PTPRS: variants seen among roughly 807,000 people sequenced by gnomAD.
PTPRS encodes receptor-type tyrosine-protein phosphatase S.
In PTPRS, 63 loss-of-function variants were observed where a neutral mutation model predicts 215.3. The observed-to-expected ratio is 0.29, with a 90% CI of 0.24 to 0.36. PTPRS has a LOEUF of 0.36. Ranked by LOEUF, PTPRS falls within the 10% of genes least tolerant of loss-of-function variation. The probability of loss-of-function intolerance (pLI) is 1.00; values close to 1 mark genes in which losing one functional copy is unlikely to be tolerated. For synonymous variants in PTPRS, 1,404 were observed against 1,191.4 expected, an observed-to-expected ratio of 1.18 and a Z score of -3.68; for missense variants, 2,258 against 2,825.8, an observed-to-expected ratio of 0.80 and a Z score of 4.56.
intron 1 of PTPRS, among the ~76,000 whole-genome samples, chr19:5,334,252 G>A (rs541624101): frequency 3.3e-5 from 5 of 152,372 alleles, no homozygotes; most frequent in East Asian, 3.9e-4. Flanking sequence ...TGAGGGCGGG[G>A]TAGCGGGGCG....
intron 35 of PTPRS, among the ~76,000 whole-genome samples, chr19:5,209,093 C>T (rs554020794): frequency 3.0e-4 from 45 of 152,202 alleles, no homozygotes; most frequent in African/African-American, 1.1e-3. Flanking sequence ...TACCTTCTGC[C>T]GTCCCGAGTT....
Position 5,339,407 on chromosome 19 carries a change from G to A in PTPRS, c.-95+1257C>T, listed in dbSNP as rs777871526. On this transcript the variant is annotated intron_variant, in intron 1 of 37. Transcript: ENST00000262963. The surrounding 1 kb of genome is among the most constrained non-coding windows in gnomAD (Gnocchi z 4.2). ...GGGGAAAGAGGGTCAACCGAAGAAG[G>A]AGGTCCCAGATTTGGGGCGGGGGGT... Among the ~76,000 whole-genome samples the A allele has an allele frequency of 1.3e-5, 2 of 151,992 alleles. No homozygotes were observed. Among genetic ancestry groups the A allele is most frequent in the Non-Finnish European group, 2.9e-5 (2 of 67,980 alleles).
rs545956361 is a variant in PTPRS, at chr19:5,316,925, C to T, written c.-95+23739G>A. 2.2e-4 allele frequency among the ~76,000 whole-genome samples: 33 copies of T among 152,306 alleles called. No homozygotes were observed. The East Asian group carries it at 6.0e-3, about 28-fold the overall frequency. ...GGCACCGGGGACCTGGCTTCTCCCA[C>T]GGGCGGCTGCCCCACTGCCCCGGGA... On this transcript the variant is annotated intron_variant, in intron 1 of 37. Transcript: ENST00000262963.
chr19:5,216,679 G>A (rs1418486139), intron 26 of PTPRS, 41 bp downstream of exon 26: 2 of 1,455,630 alleles, frequency 1.4e-6, no homozygotes, highest in Admixed American at 2.0e-5. Flanking sequence ...ATGAACGGGG[G>A]CGGGGGCGAA....
At position 5,279,771 on chromosome 19, in the gene PTPRS, C is replaced by A. The variant is rs563633041; in HGVS notation, c.92-5427G>T. Among the ~76,000 whole-genome samples the A allele has an allele frequency of 1.6e-4, 24 of 152,258 alleles. 3 individuals are homozygous for A. Among genetic ancestry groups the A allele is most frequent in the Admixed American group, 6.5e-4 (10 of 15,282 alleles). ...GATCTCGGCTCACTGCAAGCTTCACCTCCCGGATTCACGCCATTCTCCTGC... is the reference window on the plus strand; with the variant it reads ...GATCTCGGCTCACTGCAAGCTTCACATCCCGGATTCACGCCATTCTCCTGC... On this transcript the variant is annotated intron_variant, in intron 2 of 37. Transcript: ENST00000262963.
At chr19:5,306,017 G>A (rs2147121921) in intron 1 of PTPRS, among the ~76,000 whole-genome samples, 1 of 146,392 alleles carries the variant, frequency 6.8e-6, no homozygotes, top group East Asian at 2.0e-4. Context: ...CAGCACAATA[G>A]GTACAAATAC....
At chr19:5,313,503 TTCCTCCTGTGAC>T (rs1600102653) in intron 1 of PTPRS, among the ~76,000 whole-genome samples, 2 of 152,110 alleles carry the variant, frequency 1.3e-5, no homozygotes, top group Non-Finnish European at 2.9e-5. Context: ...CCAGTCTCAT[TTCCTCCTGTGAC>T]AGAGATGGGC....
In PTPRS at chr19:5,220,848, T is replaced by C. The variant is rs57997295; in HGVS notation, c.3455+152A>G. On this transcript the variant is annotated intron_variant, in intron 20 of 37. Transcript: ENST00000262963. ...TAGTGACAATGACCCATGAGAAGCA[T>C]TGAATCTTGGATGACCCCATGAACT... 181 of 917,476 alleles carry C rather than the reference T, an allele frequency of 2.0e-4. No homozygotes were observed. In the African/African-American group the frequency reaches 2.7e-3, roughly 14 times the overall value. The allele number at this position is 917,476 out of a possible 1,614,324, so 56.8% of individuals were successfully genotyped here. A position where few individuals can be genotyped will look rare whatever the true frequency, so the allele number is the denominator to read the frequency against.
chr19:5,267,438 C>T (rs905143159), intron 4 of PTPRS, among the ~76,000 whole-genome samples: 6 of 152,008 alleles, frequency 3.9e-5, no homozygotes, highest in Non-Finnish European at 5.9e-5. Context: ...AGGTGGATCA[C>T]CTGAGGTCAG....
At chr19:5,225,013 A>AC (rs2042351459) in intron 17 of PTPRS, among the ~76,000 whole-genome samples, 2 of 144,948 alleles carry the variant, frequency 1.4e-5, no homozygotes, top group Admixed American at 6.9e-5. Flanking sequence ...ACCACGCCCC[A>AC]CCCCCCAAGT....
intron 1 of PTPRS, among the ~76,000 whole-genome samples, chr19:5,326,436 G>A (rs188924883): frequency 6.6e-6 from 1 of 152,306 alleles, no homozygotes; most frequent in African/African-American, 2.4e-5. Flanking sequence ...TTTTAAGGTT[G>A]TACCTTCAAG....
Position 5,222,785 on chromosome 19 carries a change from C to A in PTPRS, c.3007G>T (p.Asp1003Tyr). ...NALTLQGLKPDTAYDLQVRAH... is the reference protein window; with the variant it reads ...NALTLQGLKPYTAYDLQVRAH... ...CGCACTTGGAGGTCATAGGCCGTGTCGGGCTTCAGGCCCTGCAGCGTGAGC... is the reference window on the plus strand; with the variant it reads ...CGCACTTGGAGGTCATAGGCCGTGTAGGGCTTCAGGCCCTGCAGCGTGAGC... Residue 1003 changes from aspartate (D) to tyrosine (Y), a missense_variant, in exon 18 of 38, where the codon GAC (aspartate) becomes TAC (tyrosine). This residue lies in a region of PTPRS where 361 missense variants were observed against 332.6 expected (regional missense o/e 1.09). Coordinates refer to ENST00000262963, the MANE Select transcript of PTPRS (RefSeq NM_002850.4). 6.3e-7 allele frequency: 1 copy of A among 1,598,744 alleles called. No individual in the cohort carries two copies. Among genetic ancestry groups the A allele is most frequent in the Non-Finnish European group, 8.5e-7 (1 of 1,178,632 alleles).
chr19:5,218,217 C>A (rs1027371591), intron 25 of PTPRS, among the ~76,000 whole-genome samples: 2 of 151,378 alleles, frequency 1.3e-5, no homozygotes, highest in African/African-American at 4.9e-5. Context: ...AAAAAAAAGC[C>A]TCACTTGGTT....
At chr19:5,207,609 A>C (rs1465531546) in intron 37 of PTPRS, among the ~76,000 whole-genome samples, 1 of 152,068 alleles carries the variant, frequency 6.6e-6, no homozygotes, top group African/African-American at 2.4e-5. Context: ...CCATCTGTAC[A>C]TTGGTTGGAC....
chr19:5,208,334 C>T lies in PTPRS; in HGVS notation c.5545G>A (p.Val1849Met), dbSNP rs560052043. 5 of 1,613,926 alleles carry T rather than the reference C, an allele frequency of 3.1e-6. No homozygotes were observed. The South Asian group carries it at 4.4e-5, about 14-fold the overall frequency. Residue 1849 changes from valine (V) to methionine (M), a missense_variant, in exon 36 of 38, where the codon GTG becomes ATG. By Grantham distance (21) the Val-to-Met change is conservative (BLOSUM62 1). Around this residue, in one of 6 missense-constraint regions of PTPRS, gnomAD observed 927 missense variants for 1,125.9 expected, o/e 0.82. Transcript: ENST00000262963. Reference sequence around the variant, plus strand: ...ATGAAGCCCTCCCCCGACTTTGGCACACCCTGTTCCGGCCAGTCTGTGAAC... The same window carrying T: ...ATGAAGCCCTCCCCCGACTTTGGCATACCCTGTTCCGGCCAGTCTGTGAAC... The part of the protein sequence containing the change: ...FQFTDWPEQG[V>M]PKSGEGFIDF...
chr19:5,223,344 G>A, intron 17 of PTPRS, 47 bp from the exon 18 acceptor site: 5 of 1,416,906 alleles, frequency 3.5e-6, no homozygotes, highest in South Asian at 1.6e-5. Context: ...CCATCCGCCA[G>A]CCCAGAGGCA....
At chr19:5,219,115 T>C (rs950019070) in intron 23 of PTPRS, 195 bp downstream of exon 23, 30 of 758,694 alleles carry the variant, frequency 4.0e-5, no homozygotes, top group Non-Finnish European at 5.2e-5. Flanking sequence ...GCCAAGCCAC[T>C]GGCCTGCTTT....
Position 5,212,351 on chromosome 19 carries a change from G to A in PTPRS, c.4755C>T (p.Ile1585=), listed in dbSNP as rs1005284875. The A allele has an allele frequency of 1.9e-5, 30 of 1,612,518 alleles. No individual in the cohort carries two copies. The highest frequency in any genetic ancestry group is 1.6e-4 in the Middle Eastern group (1 of 6,082). Residue 1585 remains isoleucine, a synonymous_variant, in exon 31 of 38, where the codon ATC becomes ATT. Transcript: ENST00000262963. ...KTCNPPDAGP[I]VVHCSAGVGR... ...GGTGGACGTACCTGCAGTGAACCACGATGGGGCCGGCATCTGGCGGGTTGC... is the reference window on the plus strand; with the variant it reads ...GGTGGACGTACCTGCAGTGAACCACAATGGGGCCGGCATCTGGCGGGTTGC...
Position 5,229,689 on chromosome 19 carries a change from C to T in PTPRS, c.2156-5G>A. 1 of 350,604 alleles carries T rather than the reference C, an allele frequency of 2.9e-6. No individual in the cohort carries two copies. Among genetic ancestry groups the T allele is most frequent in the Non-Finnish European group, 4.4e-6 (1 of 229,774 alleles). 21.7% of individuals were successfully genotyped at this position (350,604 alleles called of 1,614,324 possible). A position where few individuals can be genotyped will look rare whatever the true frequency, so the allele number is the denominator to read the frequency against. ...TCCGCGGCGGCGCGCTGGGCACTGGCGGGCGGGAGGGGAGGGGAGGGGCGG... is the reference window on the plus strand; with the variant it reads ...TCCGCGGCGGCGCGCTGGGCACTGGTGGGCGGGAGGGGAGGGGAGGGGCGG... On this transcript the variant is annotated splice_polypyrimidine_tract_variant and splice_region_variant and intron_variant, in intron 14 of 37. Coordinates refer to ENST00000262963, the MANE Select transcript of PTPRS (RefSeq NM_002850.4).
Sources: allele counts gnomAD v4.1 joint callset (sites outside exome capture counted in the v4.1 genomes callset), GRCh38; gene constraint gnomAD v4.1.1; regional missense constraint gnomAD v4.1.1; non-coding constraint Gnocchi (gnomAD v3.1); transcripts MANE v1.5; gene names NCBI Gene and HGNC (gene_info 2026-07-23, HGNC 2026-07-21).